Variants in ATF6 observed in about 807,000 individuals in gnomAD.
The protein encoded by ATF6 is activating transcription factor 6, also known as cyclic AMP-dependent transcription factor ATF-6 alpha.
A neutral mutation model predicts 83.6 loss-of-function variants in ATF6; 53 were observed. That is an observed-to-expected ratio of 0.63 (90% CI 0.51 to 0.80). The LOEUF (loss-of-function observed/expected upper bound fraction) is 0.80, where lower values mean the gene tolerates loss of function less well. ATF6 is among the 30% of genes least tolerant of loss of function. The probability of loss-of-function intolerance (pLI) is 0.00; values close to 1 mark genes in which losing one functional copy is unlikely to be tolerated. For missense variants in ATF6, 744 were observed against 797.9 expected (o/e 0.93, Z 0.81); for synonymous variants, 288 against 285.8 (o/e 1.01, Z -0.08).
At chr1:161,867,448 A>G (rs1687032130) in intron 14 of ATF6, among the ~76,000 whole-genome samples, 1 of 152,208 alleles carries the variant, frequency 6.6e-6, no homozygotes, top group African/African-American at 2.4e-5. Context: ...AAAAGGGCAG[A>G]AAAGAAACAT....
At chr1:161,876,534 T>C (rs934559072) in intron 14 of ATF6, among the ~76,000 whole-genome samples, 2 of 152,060 alleles carry the variant, frequency 1.3e-5, no homozygotes, top group African/African-American at 4.8e-5. Context: ...TAGAGGATTC[T>C]TCACACCTGT....
intron 14 of ATF6, among the ~76,000 whole-genome samples, chr1:161,897,981 T>C (rs1012396633): frequency 2.0e-5 from 3 of 152,236 alleles, no homozygotes; most frequent in Non-Finnish European, 2.9e-5. Context: ...ACTGAGATGA[T>C]CCTTGGAGTT....
chr1:161,808,527 A>G (rs1420992629), intron 7 of ATF6, among the ~76,000 whole-genome samples: 3 of 152,168 alleles, frequency 2.0e-5, no homozygotes, highest in Non-Finnish European at 4.4e-5. Context: ...AGATCTGTTC[A>G]GATCAGTACT....
intron 7 of ATF6, among the ~76,000 whole-genome samples, chr1:161,812,866 A>G (rs1043182882): frequency 2.0e-5 from 3 of 152,080 alleles, no homozygotes; most frequent in African/African-American, 7.2e-5. Flanking sequence ...TATAGCTTAC[A>G]GAGAACCTTC....
intron 15 of ATF6, among the ~76,000 whole-genome samples, chr1:161,940,559 C>CTTTTTTT (rs71301060): frequency 0.062 from 7,306 of 118,200 alleles, 688 homozygotes; most frequent in Non-Finnish European, 0.084. Context: ...TCCTTCAGAT[C>CTTTTTTT]TTTTTTTTTT....
chr1:161,954,853 A>T (rs770623149), intron 15 of ATF6, among the ~76,000 whole-genome samples: 2 of 152,158 alleles, frequency 1.3e-5, no homozygotes, highest in African/African-American at 2.4e-5. Context: ...TTCAGTGTTC[A>T]TCTCATTCTG....
chr1:161,876,198 C>A (rs1687214120), intron 14 of ATF6, among the ~76,000 whole-genome samples: 1 of 151,926 alleles, frequency 6.6e-6, no homozygotes, highest in Non-Finnish European at 1.5e-5. Context: ...GGGGCTCATA[C>A]TGAATAAATC....
chr1:161,877,763 G>A (rs1687246084), intron 14 of ATF6, among the ~76,000 whole-genome samples: 1 of 152,112 alleles, frequency 6.6e-6, no homozygotes, highest in South Asian at 2.1e-4. Flanking sequence ...ATACCAATTA[G>A]AAGGCTTTTT....
Position 161,958,857 on chromosome 1 carries a change from AAG to A in ATF6, c.*207_*208del. 2.0e-6 allele frequency: 1 copy of A among 495,910 alleles called. No individual in the cohort carries two copies. 30.7% of individuals were successfully genotyped at this position (495,910 alleles called of 1,614,324 possible). A position where few individuals can be genotyped will look rare whatever the true frequency, so the allele number is the denominator to read the frequency against. On this transcript the variant is annotated 3_prime_UTR_variant, in exon 16 of 16. Transcript: ENST00000367942. ...TTGGAAAGCACTGGAATTCAGATGC[AAG>A]AGAACAATGTTTCTTCAGTGGCAAA...
rs775571649 is a variant in ATF6 at position 161,958,632 on chromosome 1, C to A, written c.1991C>A (p.Thr664Asn). 1.2e-6 allele frequency: 2 copies of A among 1,613,246 alleles called. No homozygotes were observed. The highest frequency in any genetic ancestry group is 1.7e-6 in the Non-Finnish European group (2 of 1,179,584). Residue 664 changes from threonine (T) to asparagine (N), a missense_variant, in exon 16 of 16, where the codon ACC (threonine) becomes AAC (asparagine). Physicochemically the swap from Thr to Asn is moderately conservative, Grantham distance 65. Coordinates refer to ENST00000367942, the MANE Select transcript of ATF6 (RefSeq NM_007348.4). ...AATEATHVVSTIPESLQ is the reference protein window; with the variant it reads ...AATEATHVVSNIPESLQ ...ACAGAGGCAACCCACGTTGTCAGCA[C>A]CATCCCTGAGTCATTACAATAGCAC...
intron 9 of ATF6, among the ~76,000 whole-genome samples, chr1:161,829,158 A>G (rs1230322381): frequency 6.8e-6 from 1 of 146,394 alleles, no homozygotes; most frequent in East Asian, 2.2e-4. Flanking sequence ...CTACAAAGAG[A>G]CTTAGACTCC....
chr1:161,818,492 A>T (rs1348373800), intron 7 of ATF6, among the ~76,000 whole-genome samples: 3 of 152,184 alleles, frequency 2.0e-5, no homozygotes, highest in Non-Finnish European at 2.9e-5. Flanking sequence ...AAAGAGAGAG[A>T]GAGTTAACAT....
At chr1:161,806,541 G>T (rs896197994) in intron 7 of ATF6, among the ~76,000 whole-genome samples, 7 of 152,178 alleles carry the variant, frequency 4.6e-5, no homozygotes, top group African/African-American at 1.7e-4. Flanking sequence ...AACTGATATA[G>T]AACTATAAAT....
At chr1:161,789,355 T>C (rs905041776) in intron 4 of ATF6, among the ~76,000 whole-genome samples, 3 of 149,846 alleles carry the variant, frequency 2.0e-5, no homozygotes, top group East Asian at 4.0e-4. Flanking sequence ...TTCTACCCTA[T>C]GTTCATGATT....
chr1:161,919,748 G>T (rs575782693), intron 15 of ATF6, among the ~76,000 whole-genome samples: 1 of 152,164 alleles, frequency 6.6e-6, no homozygotes. Context: ...AAGGGCCCAC[G>T]TAGATGAACA....
At chr1:161,851,999 A>G (rs1032548218) in intron 11 of ATF6, among the ~76,000 whole-genome samples, 164 bp downstream of exon 11, 1 of 152,222 alleles carries the variant, frequency 6.6e-6, no homozygotes, top group Non-Finnish European at 1.5e-5. Flanking sequence ...CACCAACCTC[A>G]TGGAGATGGT....
chr1:161,825,552 A>G (rs1685873541), intron 9 of ATF6, among the ~76,000 whole-genome samples: 1 of 152,210 alleles, frequency 6.6e-6, no homozygotes, highest in African/African-American at 2.4e-5. Context: ...GAACTCAGGA[A>G]AACACTCTAT....
At chr1:161,842,505 TATATATATGATG>T (rs1219111891) in intron 9 of ATF6, among the ~76,000 whole-genome samples, 1 of 152,076 alleles carries the variant, frequency 6.6e-6, no homozygotes, top group East Asian at 1.9e-4. Context: ...AACTGTGGTA[TATATATATGATG>T]GAATACTACT....
chr1:161,823,994 G>C (rs977239726), intron 9 of ATF6, among the ~76,000 whole-genome samples: 8 of 152,128 alleles, frequency 5.3e-5, no homozygotes, highest in African/African-American at 1.9e-4. Context: ...ATCTAGACTA[G>C]AGCTAGAGGT....
Sources: gnomAD v4.1 joint callset for allele counts (sites outside exome capture counted in the v4.1 genomes callset) on GRCh38, gnomAD v4.1.1 for gene constraint, MANE v1.5 for transcripts, NCBI Gene and HGNC (gene_info 2026-07-23, HGNC 2026-07-21) for gene names.